Variants in BCKDHB observed in about 807,000 individuals in gnomAD.
The protein encoded by BCKDHB is branched chain keto acid dehydrogenase E1 subunit beta, also known as 2-oxoisovalerate dehydrogenase subunit beta, mitochondrial.
Under a neutral mutation model 48.5 loss-of-function variants are expected in BCKDHB, and 41 were observed. The ratio of observed to expected loss-of-function variants is 0.85; its 90% CI spans 0.66 to 1.10. The LOEUF is 1.10. Among genes scored for constraint, BCKDHB ranks in the 50% least tolerant of loss-of-function variants. BCKDHB has a pLI of 0.00. For missense variants in BCKDHB, 496 were observed against 494.2 expected (o/e 1.00, Z -0.03); for synonymous variants, 201 against 174.8 (o/e 1.15, Z -1.18).
intron 6 of BCKDHB, among the ~76,000 whole-genome samples, chr6:80,182,423 T>G (rs766751219): frequency 1.3e-5 from 2 of 152,230 alleles, no homozygotes; most frequent in African/African-American, 2.4e-5. Flanking sequence ...CAGATATCTA[T>G]TTTTGATCAT....
intron 1 of BCKDHB, among the ~76,000 whole-genome samples, chr6:80,122,801 A>T (rs1031354509): frequency 2.0e-5 from 3 of 152,162 alleles, no homozygotes; most frequent in Non-Finnish European, 4.4e-5. Flanking sequence ...AACAGAAAAC[A>T]GGGTTTGAGA....
At chr6:80,423,212 C>A in the BCKDHB span, among the ~76,000 whole-genome samples, 3 of 152,044 alleles carry the variant, frequency 2.0e-5, no homozygotes, top group Non-Finnish European at 4.4e-5. Flanking sequence ...TGCCACCTTG[C>A]GAAGAAAGTG....
intron 9 of BCKDHB, among the ~76,000 whole-genome samples, chr6:80,331,299 CT>C (rs1349192096): frequency 6.6e-6 from 1 of 152,030 alleles, no homozygotes; most frequent in African/African-American, 2.4e-5. Context: ...TTGTTTTGCA[CT>C]TTTACCTACT....
chr6:80,412,099 T>C, the BCKDHB span, among the ~76,000 whole-genome samples: 13,161 of 151,602 alleles, frequency 0.087, 1,772 homozygotes, highest in African/African-American at 0.29. Flanking sequence ...GAAGCAACAA[T>C]CAAGAATCCA....
At chr6:80,169,411 C>A (rs542944016) in intron 5 of BCKDHB, among the ~76,000 whole-genome samples, 1 of 152,094 alleles carries the variant, frequency 6.6e-6, no homozygotes, top group Non-Finnish European at 1.5e-5. Context: ...TTTGTTTAGT[C>A]TGTATTTACC....
the BCKDHB span, among the ~76,000 whole-genome samples, chr6:80,402,034 T>G: frequency 1.3e-5 from 2 of 151,968 alleles, no homozygotes; most frequent in African/African-American, 4.8e-5. Context: ...ATTTAAGCTG[T>G]TTCCATATCT....
chr6:80,123,515 C>T (rs550173895), intron 1 of BCKDHB, among the ~76,000 whole-genome samples: 1 of 152,310 alleles, frequency 6.6e-6, no homozygotes, highest in Admixed American at 6.5e-5. Flanking sequence ...GTGAATCCAT[C>T]TGGTCCTGGA....
chr6:80,427,701 T>A, the BCKDHB span, among the ~76,000 whole-genome samples: 4 of 152,160 alleles, frequency 2.6e-5, no homozygotes, highest in Non-Finnish European at 4.4e-5. Flanking sequence ...CTTTATTAAA[T>A]CTTCATTTGC....
rs778073077 is a variant in BCKDHB, at chr6:80,106,817, G to T, written c.124G>T (p.Val42Phe). Residue 42 changes from valine to phenylalanine, a missense_variant, in exon 1 of 10, where the codon GTC (valine) becomes TTC (phenylalanine). Val to Phe is a conservative substitution (Grantham distance 50, BLOSUM62 -1). Transcript: ENST00000320393. ...ARGFLHPAAT[V>F]EDAAQRRQVA... Reference sequence around the variant, plus strand: ...GGGCTTTTTGCACCCCGCCGCGACTGTCGAGGATGCGGCCCAGAGGCGGCA... The same window carrying T: ...GGGCTTTTTGCACCCCGCCGCGACTTTCGAGGATGCGGCCCAGAGGCGGCA... 6.2e-7 allele frequency: 1 copy of T among 1,609,254 alleles called. No homozygotes were observed. Among genetic ancestry groups the T allele is most frequent in the Non-Finnish European group, 8.5e-7 (1 of 1,178,386 alleles).
intron 9 of BCKDHB, among the ~76,000 whole-genome samples, chr6:80,289,582 T>C (rs1381453515): frequency 6.6e-6 from 1 of 152,140 alleles, no homozygotes; most frequent in Non-Finnish European, 1.5e-5. Context: ...GGCAGCCCTG[T>C]GCTGGGTACC....
At chr6:80,117,220 A>G (rs1355689224) in intron 1 of BCKDHB, among the ~76,000 whole-genome samples, 4 of 152,254 alleles carry the variant, frequency 2.6e-5, no homozygotes, top group Admixed American at 2.6e-4. Flanking sequence ...TTAGGTATTC[A>G]CATGGAAATA....
At chr6:80,424,348 G>A in the BCKDHB span, among the ~76,000 whole-genome samples, 1 of 152,064 alleles carries the variant, frequency 6.6e-6, no homozygotes, top group East Asian at 1.9e-4. Context: ...AGTTCTTTCT[G>A]ATGTCAAGAC....
In BCKDHB at chr6:80,345,410, T is replaced by A. The variant is rs1770151233; in HGVS notation, c.*1606T>A. The A allele has an allele frequency of 6.6e-6, 1 of 152,202 alleles. No homozygotes were observed. The highest frequency in any genetic ancestry group is 2.1e-4 in the South Asian group (1 of 4,834). The allele number at this position is 152,202 out of a possible 1,614,324, so 9.4% of individuals were successfully genotyped here. On this transcript the variant is annotated 3_prime_UTR_variant, in exon 10 of 10. Transcript: ENST00000320393. ...AGAATTCTTGACTTTTGTGTATGGG[T>A]AGTAAATCTAGCTCACTGAAAATCA...
chr6:80,285,330 GTCT>G (rs1396653533), intron 9 of BCKDHB, among the ~76,000 whole-genome samples: 1 of 152,104 alleles, frequency 6.6e-6, no homozygotes, highest in African/African-American at 2.4e-5. Flanking sequence ...TGATAAAATA[GTCT>G]TCTAATATGA....
At chr6:80,401,023 T>C in the BCKDHB span, among the ~76,000 whole-genome samples, 1 of 146,674 alleles carries the variant, frequency 6.8e-6, no homozygotes, top group South Asian at 2.1e-4. Context: ...GGAGAACATA[T>C]AGACACAAAA....
intron 1 of BCKDHB, among the ~76,000 whole-genome samples, chr6:80,119,009 G>T (rs1769858964): frequency 6.6e-6 from 1 of 152,162 alleles, no homozygotes; most frequent in African/African-American, 2.4e-5. Flanking sequence ...CATCCATGAG[G>T]CTGGGCATGG....
intron 9 of BCKDHB, among the ~76,000 whole-genome samples, chr6:80,280,049 G>T (rs1225961491): frequency 6.6e-6 from 1 of 152,188 alleles, no homozygotes; most frequent in East Asian, 1.9e-4. Context: ...AATTAAAGTG[G>T]TTTTGTGTGT....
chr6:80,409,316 GAAT>G, the BCKDHB span, among the ~76,000 whole-genome samples: 1 of 151,820 alleles, frequency 6.6e-6, no homozygotes, highest in Non-Finnish European at 1.5e-5. Flanking sequence ...GTCAATTTTA[GAAT>G]AAGTTCGATG....
chr6:80,445,478 A>G, the BCKDHB span, among the ~76,000 whole-genome samples: 2,451 of 152,318 alleles, frequency 0.016, 80 homozygotes, highest in African/African-American at 0.055. Flanking sequence ...GTGAGACTCA[A>G]TTGAAAGAAG....
Sources: gnomAD v4.1 joint callset for allele counts (sites outside exome capture counted in the v4.1 genomes callset) on GRCh38, gnomAD v4.1.1 for gene constraint, MANE v1.5 for transcripts, NCBI Gene and HGNC (gene_info 2026-07-23, HGNC 2026-07-21) for gene names.